Variants in RBFOX1 observed in about 807,000 individuals in gnomAD.
RBFOX1 encodes RNA binding protein fox-1 homolog 1.
A neutral mutation model predicts 57.7 loss-of-function variants in RBFOX1; 8 were observed. The ratio of observed to expected loss-of-function variants is 0.14; its 90% CI spans 0.08 to 0.25. The LOEUF is 0.25. Among genes scored for constraint, RBFOX1 ranks in the 10% least tolerant of loss-of-function variants. RBFOX1 has a pLI of 1.00. For synonymous variants in RBFOX1, 326 were observed against 222.4 expected (o/e 1.47, Z -4.15); for missense variants, 611 against 548.5 (o/e 1.11, Z -1.14).
Position 6,978,463 on chromosome 16 carries a change from T to G in RBFOX1, c.-15-73594T>G, listed in dbSNP as rs577710125. ...TAAGCCCTTGGTGCATATTTACTTATTACGTTTTCATTACAGGTAGGTTGT... is the reference window on the plus strand; with the variant it reads ...TAAGCCCTTGGTGCATATTTACTTAGTACGTTTTCATTACAGGTAGGTTGT... On this transcript the variant is annotated intron_variant, in intron 3 of 15. Coordinates refer to ENST00000550418, the MANE Select transcript of RBFOX1 (RefSeq NM_018723.4). 2.0e-5 allele frequency among the ~76,000 whole-genome samples: 3 copies of G among 152,332 alleles called. No individual in the cohort carries two copies. In the South Asian group the frequency reaches 6.2e-4, roughly 32 times the overall value.
intron 5 of RBFOX1, among the ~76,000 whole-genome samples, chr16:7,526,472 A>G (rs936804917): frequency 6.6e-6 from 1 of 151,618 alleles, no homozygotes; most frequent in Admixed American, 6.6e-5. Flanking sequence ...TTTTTCTATA[A>G]CTCCCTTCCT....
rs1244459756 is a variant in RBFOX1 at position 7,711,601 on chromosome 16, T to G, written c.*856T>G. 1.3e-5 allele frequency: 2 copies of G among 152,604 alleles called. No individual in the cohort carries two copies. The highest frequency in any genetic ancestry group is 2.9e-5 in the Non-Finnish European group (2 of 68,026). The allele number at this position is 152,604 out of a possible 1,614,324, so 9.5% of individuals were successfully genotyped here. On this transcript the variant is annotated 3_prime_UTR_variant, in exon 16 of 16. Coordinates refer to ENST00000550418, the MANE Select transcript of RBFOX1 (RefSeq NM_018723.4). The stretch of plus-strand genomic sequence containing the variant: ...TGATAAAAAAGCACTGTTTCTATTT[T>G]TTTCTTTTTTTCCAAAAAAAGAAAG...
At chr16:5,843,448 C>G (rs138505932) in intron 3 of RBFOX1, among the ~76,000 whole-genome samples, 1 of 152,282 alleles carries the variant, frequency 6.6e-6, no homozygotes, top group Non-Finnish European at 1.5e-5. Context: ...CATGCATGTT[C>G]CAACAAAGGA....
intron 4 of RBFOX1, among the ~76,000 whole-genome samples, chr16:7,252,638 T>A (rs1567901955): frequency 2.0e-5 from 3 of 152,228 alleles, no homozygotes; most frequent in Non-Finnish European, 4.4e-5. Context: ...TCAGTTAACC[T>A]GCTTTACTCA....
chr16:7,530,454 G>A (rs1166202885), intron 5 of RBFOX1, among the ~76,000 whole-genome samples: 1 of 151,820 alleles, frequency 6.6e-6, no homozygotes, highest in Non-Finnish European at 1.5e-5. Flanking sequence ...CCTAGCCAGA[G>A]GTTTCAGCCA....
chr16:6,520,666 C>T (rs1267190422), intron 2 of RBFOX1, among the ~76,000 whole-genome samples: 1 of 152,168 alleles, frequency 6.6e-6, no homozygotes, highest in African/African-American at 2.4e-5. Flanking sequence ...GGACCCAGGA[C>T]AGTTCTGCAG....
At position 5,467,196 on chromosome 16, in the gene RBFOX1, C is replaced by CTCT. The variant is rs1555527583; in HGVS notation, c.220-19_220-18insCTT. On this transcript the variant is annotated intron_variant, in intron 1 of 2. Transcript: ENST00000585867. ...TTCTTCTCTCTCTCTCTCTCTCTCT[C>CTCT]TTTTTTTTTTTTAATGCAGGATCTA... The CTCT allele has an allele frequency of 6.5e-3, 6,228 of 959,782 alleles. 1 individual carries two copies. The highest frequency in any genetic ancestry group is 0.018 in the South Asian group (847 of 47,116). The allele number at this position is 959,782 out of a possible 1,614,324, so 59.5% of individuals were successfully genotyped here. A position where few individuals can be genotyped will look rare whatever the true frequency, so the allele number is the denominator to read the frequency against.
At chr16:7,406,568 C>G (rs941068366) in intron 4 of RBFOX1, among the ~76,000 whole-genome samples, 4 of 152,150 alleles carry the variant, frequency 2.6e-5, no homozygotes, top group African/African-American at 9.7e-5. Flanking sequence ...GAAGGAAAAA[C>G]AATTAAAAAA....
intron 3 of RBFOX1, among the ~76,000 whole-genome samples, chr16:5,793,151 G>A (rs1348929553): frequency 1.3e-5 from 2 of 152,116 alleles, no homozygotes; most frequent in African/African-American, 4.8e-5. Flanking sequence ...TTTCTCTCTG[G>A]CTGGTCTCAC....
intron 14 of RBFOX1, among the ~76,000 whole-genome samples, chr16:7,692,893 T>A (rs2077677235): frequency 6.6e-6 from 1 of 151,838 alleles, no homozygotes; most frequent in Non-Finnish European, 1.5e-5. Flanking sequence ...TTTCTTATTT[T>A]TTTTTGATAT....
At chr16:7,295,778 G>A (rs1028297812) in intron 4 of RBFOX1, among the ~76,000 whole-genome samples, 2 of 152,204 alleles carry the variant, frequency 1.3e-5, no homozygotes, top group Admixed American at 6.5e-5. Context: ...CATATTTCAG[G>A]TGGCCTTGAA....
chr16:5,603,216 T>G (rs143066568), downstream of RBFOX1, among the ~76,000 whole-genome samples: 3,012 of 152,314 alleles, frequency 0.02, 93 homozygotes, highest in African/African-American at 0.067. Flanking sequence ...AAAATAATCA[T>G]AACAGCTAGC....
chr16:5,357,704 T>C (rs947482735), intron 1 of RBFOX1, among the ~76,000 whole-genome samples: 2 of 152,196 alleles, frequency 1.3e-5, no homozygotes, highest in Non-Finnish European at 2.9e-5. Context: ...CCTGGCTGTG[T>C]CCCTGTCCTT....
At chr16:5,724,687 C>T (rs908940777) in intron 3 of RBFOX1, among the ~76,000 whole-genome samples, 32 of 152,286 alleles carry the variant, frequency 2.1e-4, no homozygotes, top group Admixed American at 2.1e-3. Flanking sequence ...CTTCTCCCAT[C>T]ACACAGAGAG....
chr16:7,390,103 C>T (rs189925508), intron 4 of RBFOX1, among the ~76,000 whole-genome samples: 169 of 152,122 alleles, frequency 1.1e-3, no homozygotes, highest in African/African-American at 3.6e-3. Context: ...AAAAACAGAG[C>T]GAGAAGGGAG....
intron 1 of RBFOX1, among the ~76,000 whole-genome samples, chr16:6,061,247 G>A (rs2095682464): frequency 6.6e-6 from 1 of 152,136 alleles, no homozygotes; most frequent in Non-Finnish European, 1.5e-5. Flanking sequence ...CTAGAAAGTA[G>A]TGTGCGAAGT....
intron 3 of RBFOX1, among the ~76,000 whole-genome samples, chr16:5,616,611 C>T (rs1295919394): frequency 6.8e-6 from 1 of 148,106 alleles, no homozygotes; most frequent in Non-Finnish European, 1.5e-5. Flanking sequence ...CCTCTTCCCT[C>T]TCTCTTCTCT....
chr16:7,525,241 TTATATC>T (rs2078431127), intron 5 of RBFOX1, among the ~76,000 whole-genome samples: 1 of 152,210 alleles, frequency 6.6e-6, no homozygotes, highest in African/African-American at 2.4e-5. Context: ...GGCACCTGCT[TTATATC>T]TCAGAGATTA....
At chr16:6,671,182 C>G (rs1446148327) in intron 3 of RBFOX1, among the ~76,000 whole-genome samples, 1 of 152,102 alleles carries the variant, frequency 6.6e-6, no homozygotes, top group East Asian at 1.9e-4. Flanking sequence ...ACTGAGCCAC[C>G]ATTGTTATTT....
Sources: allele counts gnomAD v4.1 joint callset (sites outside exome capture counted in the v4.1 genomes callset), GRCh38; gene constraint gnomAD v4.1.1; transcripts MANE v1.5; gene names NCBI Gene and HGNC (gene_info 2026-07-23, HGNC 2026-07-21).